The following ZNF599 variants were observed in gnomAD, a reference collection of about 807,000 sequenced individuals.
ZNF599 encodes zinc finger protein 599.
A neutral mutation model predicts 11.7 loss-of-function variants in ZNF599; 10 were observed. The ratio of observed to expected loss-of-function variants is 0.86; its 90% CI spans 0.53 to 1.45. The LOEUF is 1.45. ZNF599 is among the 40% of genes most tolerant of loss of function. ZNF599 has a pLI of 0.00. For missense variants in ZNF599, 688 were observed against 713.6 expected (o/e 0.96, Z 0.41); for synonymous variants, 232 against 253.2 (o/e 0.92, Z 0.79).
At chr19:34,800,109 C>T in the ZNF599 span, among the ~76,000 whole-genome samples, 1 of 152,234 alleles carries the variant, frequency 6.6e-6, no homozygotes. Flanking sequence ...GGTCTTTTGA[C>T]CATTTTTCAG....
At chr19:34,801,079 C>T in the ZNF599 span, among the ~76,000 whole-genome samples, 10 of 152,214 alleles carry the variant, frequency 6.6e-5, no homozygotes, top group African/African-American at 2.4e-4. Context: ...AGCACCTTCT[C>T]CATATCACAG....
chr19:34,800,125 T>C, the ZNF599 span, among the ~76,000 whole-genome samples: 2 of 152,222 alleles, frequency 1.3e-5, no homozygotes, highest in African/African-American at 2.4e-5. Context: ...TTCAGTTGGG[T>C]CGTTTTGTTT....
Position 34,772,909 on chromosome 19 carries a change from C to T in ZNF599, c.-68G>A, listed in dbSNP as rs1600160881. The T allele has an allele frequency of 7.2e-7, 1 of 1,397,822 alleles. No homozygotes were observed. Among genetic ancestry groups the T allele is most frequent in the East Asian group, 3.0e-5 (1 of 33,714 alleles). 86.6% of individuals were successfully genotyped at this position (1,397,822 alleles called of 1,614,324 possible). ...GCCGGTCCTGCGGGCTCGGCCGACC[C>T]CGGGCTCCGGCTCTGGGCTGCGAGG... is the stretch of plus-strand genomic sequence containing the variant. On this transcript the variant is annotated 5_prime_UTR_variant, in exon 1 of 4. Coordinates refer to ENST00000329285, the MANE Select transcript of ZNF599 (RefSeq NM_001007248.3).
At chr19:34,775,579 T>C (rs2069214320), upstream of ZNF599, among the ~76,000 whole-genome samples, 1 of 152,212 alleles carries the variant, frequency 6.6e-6, no homozygotes, top group South Asian at 2.1e-4. Flanking sequence ...CTGTGGGGGA[T>C]AGTTGCACAT....
intron 2 of ZNF599, among the ~76,000 whole-genome samples, chr19:34,767,706 A>C (rs1307594548): frequency 6.6e-6 from 1 of 152,206 alleles, no homozygotes; most frequent in Non-Finnish European, 1.5e-5. Flanking sequence ...TTTGGTGCCC[A>C]TGATGGTTGA....
chr19:34,785,200 C>T, the ZNF599 span, among the ~76,000 whole-genome samples: 1 of 152,146 alleles, frequency 6.6e-6, no homozygotes, highest in East Asian at 1.9e-4. Flanking sequence ...CACCTAACCT[C>T]CTTGTCCTTC....
At chr19:34,779,012 C>A in the ZNF599 span, among the ~76,000 whole-genome samples, 1 of 152,146 alleles carries the variant, frequency 6.6e-6, no homozygotes, top group African/African-American at 2.4e-5. Flanking sequence ...ATTAAAAACA[C>A]TGACAACACC....
chr19:34,804,404 C>T, the ZNF599 span, among the ~76,000 whole-genome samples: 1 of 152,230 alleles, frequency 6.6e-6, no homozygotes, highest in East Asian at 1.9e-4. Flanking sequence ...GCCTGTGATG[C>T]CCACCACACC....
At chr19:34,769,656 C>A in intron 1 of ZNF599, 101 bp from the exon 2 acceptor site, 3 of 1,421,318 alleles carry the variant, frequency 2.1e-6, no homozygotes, top group Non-Finnish European at 2.9e-6. Context: ...CCCTGAACCA[C>A]TGAGCAACTC....
chr19:34,759,521 T>G lies in ZNF599; in HGVS notation c.1280A>C (p.Glu427Ala). 6.2e-7 allele frequency: 1 copy of G among 1,614,106 alleles called. No homozygotes were observed. Among genetic ancestry groups the G allele is most frequent in the Non-Finnish European group, 8.5e-7 (1 of 1,179,992 alleles). ...HTGEKPFECKECGKAFCDSSS... is the reference protein window; with the variant it reads ...HTGEKPFECKACGKAFCDSSS... ...GCTGTCACAAAAGGCCTTCCCACATTCTTTGCACTCAAAGGGCTTCTCTCC... is the reference window on the plus strand; with the variant it reads ...GCTGTCACAAAAGGCCTTCCCACATGCTTTGCACTCAAAGGGCTTCTCTCC... The change falls in exon 4 of 4, where the codon GAA becomes GCA. Residue 427 changes from glutamate (E) to alanine (A), a missense_variant. Glu to Ala is a moderately radical substitution (Grantham distance 107). Coordinates refer to ENST00000329285, the MANE Select transcript of ZNF599 (RefSeq NM_001007248.3).
the ZNF599 span, among the ~76,000 whole-genome samples, chr19:34,780,665 G>A: frequency 7.9e-6 from 1 of 126,180 alleles, no homozygotes; most frequent in African/African-American, 3.0e-5. Flanking sequence ...GGGAGGGAGG[G>A]AAGGAAGGAA....
At chr19:34,795,190 A>G in the ZNF599 span, among the ~76,000 whole-genome samples, 19 of 152,372 alleles carry the variant, frequency 1.2e-4, no homozygotes, top group Admixed American at 1.2e-3. Context: ...ACCATGTCGT[A>G]CTTGGTAGGT....
In ZNF599 at chr19:34,759,256, A is replaced by G. The variant is rs982067732; in HGVS notation, c.1545T>C (p.Ala515=). ...GAACAAAATTTGCAGGTTGGGTAAA[A>G]GCCTTTCCACATTCTCTACAAACAT... is the stretch of plus-strand genomic sequence containing the variant. ...KPYVCRECGK[A]FTQPANFVRH... The change falls in exon 4 of 4, where the codon GCT becomes GCC. Residue 515 remains alanine, a synonymous_variant. Transcript: ENST00000329285. 2 of 1,613,980 alleles carry G rather than the reference A, an allele frequency of 1.2e-6. No homozygotes were observed. Among genetic ancestry groups the G allele is most frequent in the African/African-American group, 2.7e-5 (2 of 74,892 alleles).
the ZNF599 span, among the ~76,000 whole-genome samples, chr19:34,806,930 T>A: frequency 6.6e-6 from 1 of 152,168 alleles, no homozygotes; most frequent in Non-Finnish European, 1.5e-5. Context: ...AAAAACCCAA[T>A]GCTTTGGTGT....
At chr19:34,764,133 T>C (rs1188806137) in intron 3 of ZNF599, 1 of 152,154 alleles carries the variant, frequency 6.6e-6, no homozygotes. Flanking sequence ...AAAGAATAAA[T>C]GTTTGGTAAA....
intron 2 of ZNF599, among the ~76,000 whole-genome samples, chr19:34,769,138 T>A (rs2069165070): frequency 6.6e-6 from 1 of 152,204 alleles, no homozygotes; most frequent in African/African-American, 2.4e-5. Context: ...GACATTTGAC[T>A]CAACCAAGCT....
At chr19:34,779,243 C>CTTTT in the ZNF599 span, among the ~76,000 whole-genome samples, 6 of 57,308 alleles carry the variant, frequency 1.0e-4, no homozygotes, top group African/African-American at 2.9e-4. Context: ...CCATGCCCAG[C>CTTTT]TTTTTTTTTT....
chr19:34,761,807 A>C (rs2069115268), intron 3 of ZNF599, among the ~76,000 whole-genome samples: 1 of 152,202 alleles, frequency 6.6e-6, no homozygotes, highest in South Asian at 2.1e-4. Context: ...AACTGTCAGA[A>C]GCTAAACATT....
chr19:34,790,075 C>T, the ZNF599 span, among the ~76,000 whole-genome samples: 2 of 152,160 alleles, frequency 1.3e-5, no homozygotes, highest in Admixed American at 1.3e-4. Context: ...ATGTGAATAG[C>T]CATGTTTTCC....
Sources: gnomAD v4.1 joint callset for allele counts (sites outside exome capture counted in the v4.1 genomes callset) on GRCh38, gnomAD v4.1.1 for gene constraint, MANE v1.5 for transcripts, NCBI Gene and HGNC (gene_info 2026-07-23, HGNC 2026-07-21) for gene names.